The following GPC6 variants were observed in gnomAD, a reference collection of about 807,000 sequenced individuals.
GPC6 encodes the protein glypican 6.
A neutral mutation model predicts 55.2 loss-of-function variants in GPC6; 14 were observed. That is an observed-to-expected ratio of 0.25 (90% CI 0.17 to 0.40). GPC6 has a LOEUF of 0.40. GPC6 is among the 10% of genes least tolerant of loss of function. The pLI, the probability that GPC6 is intolerant of heterozygous loss-of-function variation, is 1.00. For missense variants in GPC6, 641 were observed against 708.5 expected (o/e 0.90, Z 1.08); for synonymous variants, 278 against 259.6 (o/e 1.07, Z -0.68).
chr13:93,259,328 G>A (rs1877058301), intron 1 of GPC6, among the ~76,000 whole-genome samples: 1 of 152,114 alleles, frequency 6.6e-6, no homozygotes, highest in Admixed American at 6.6e-5. Context: ...CTGTGGAAGT[G>A]GGTGAGTCCT....
At chr13:93,585,280 A>C (rs1485180958) in intron 2 of GPC6, among the ~76,000 whole-genome samples, 1 of 152,142 alleles carries the variant, frequency 6.6e-6, no homozygotes, top group Non-Finnish European at 1.5e-5. Flanking sequence ...AGGAAAGTTA[A>C]AGGTTTACAG....
intron 4 of GPC6, among the ~76,000 whole-genome samples, chr13:94,090,361 G>T (rs373513581): frequency 1.6e-4 from 25 of 152,184 alleles, no homozygotes; most frequent in East Asian, 1.4e-3. Flanking sequence ...TTTGGGTGGA[G>T]AGACAGCCAA....
intron 4 of GPC6, among the ~76,000 whole-genome samples, chr13:94,048,700 C>T (rs1031110300): frequency 6.6e-6 from 1 of 151,738 alleles, no homozygotes; most frequent in African/African-American, 2.4e-5. Context: ...TTGGTCTGGT[C>T]GCAGGAGGCA....
intron 1 of GPC6, among the ~76,000 whole-genome samples, chr13:93,450,351 A>G (rs1171762055): frequency 6.6e-6 from 1 of 152,158 alleles, no homozygotes; most frequent in African/African-American, 2.4e-5. Flanking sequence ...ATCTCATCAC[A>G]TGTTTTAATT....
intron 4 of GPC6, among the ~76,000 whole-genome samples, chr13:94,206,838 G>A (rs780964960): frequency 2.6e-5 from 4 of 152,104 alleles, no homozygotes; most frequent in Admixed American, 6.5e-5. Context: ...GGGTGACAGC[G>A]TGAGACCCTG....
intron 1 of GPC6, among the ~76,000 whole-genome samples, chr13:93,379,205 C>T (rs930644856): frequency 1.3e-5 from 2 of 152,108 alleles, no homozygotes; most frequent in African/African-American, 2.4e-5. Context: ...ATAGCCCAGA[C>T]TATATGTACA....
chr13:94,382,037 A>C (rs1880179355), intron 6 of GPC6, among the ~76,000 whole-genome samples: 1 of 152,196 alleles, frequency 6.6e-6, no homozygotes. Flanking sequence ...GTTTTGGTAC[A>C]GTTGTCTGAC....
At chr13:94,004,928 G>A (rs1362080822) in intron 3 of GPC6, among the ~76,000 whole-genome samples, 1 of 152,104 alleles carries the variant, frequency 6.6e-6, no homozygotes, top group Non-Finnish European at 1.5e-5. Flanking sequence ...TGGGCGTGGT[G>A]GTGGATGCCT....
rs965863470 is a variant in GPC6 at position 94,135,350 on chromosome 13, C to T, written c.877+107456C>T. Among the ~76,000 whole-genome samples, 10 of 151,754 alleles carry T rather than the reference C, an allele frequency of 6.6e-5. 1 individual carries two copies. Among genetic ancestry groups the T allele is most frequent in the Non-Finnish European group, 1.2e-4 (8 of 67,984 alleles). On this transcript the variant is annotated intron_variant, in intron 4 of 8. Coordinates refer to ENST00000377047, the MANE Select transcript of GPC6 (RefSeq NM_005708.5). ...AAATATGTGCATTTGAAAAAAAAGTCCCTGAAGGTAATCTTGTTACTTTAA... is the reference window on the plus strand; with the variant it reads ...AAATATGTGCATTTGAAAAAAAAGTTCCTGAAGGTAATCTTGTTACTTTAA...
chr13:94,044,463 C>T (rs373384007), intron 4 of GPC6, among the ~76,000 whole-genome samples: 20 of 151,786 alleles, frequency 1.3e-4, no homozygotes, highest in African/African-American at 4.6e-4. Flanking sequence ...GAAGTTATTC[C>T]AGATCAGTTC....
At chr13:93,956,754 G>A (rs1044424689) in intron 3 of GPC6, among the ~76,000 whole-genome samples, 1 of 152,156 alleles carries the variant, frequency 6.6e-6, no homozygotes, top group Non-Finnish European at 1.5e-5. Context: ...TTAAACAGAT[G>A]GCTAGGCACC....
At chr13:94,398,886 C>G (rs1881009238) in intron 8 of GPC6, among the ~76,000 whole-genome samples, 1 of 152,172 alleles carries the variant, frequency 6.6e-6, no homozygotes, top group Admixed American at 6.5e-5. Flanking sequence ...CATACCAAAG[C>G]TGAAATTGAG....
At chr13:94,372,264 C>A (rs1453550553) in intron 6 of GPC6, among the ~76,000 whole-genome samples, 1 of 152,150 alleles carries the variant, frequency 6.6e-6, no homozygotes, top group African/African-American at 2.4e-5. Flanking sequence ...GTGAGTGACG[C>A]AGAAGACGGG....
chr13:93,279,660 C>T (rs537292518), intron 1 of GPC6, among the ~76,000 whole-genome samples: 8 of 152,266 alleles, frequency 5.3e-5, no homozygotes, highest in African/African-American at 1.9e-4. Context: ...TAGGTTTATA[C>T]ATTTCATGGC....
intron 6 of GPC6, among the ~76,000 whole-genome samples, chr13:94,373,875 A>G (rs1594217415): frequency 1.3e-5 from 2 of 151,984 alleles, no homozygotes; most frequent in African/African-American, 4.8e-5. Flanking sequence ...CTCGGCAGAA[A>G]CCCTACAAGC....
intron 1 of GPC6, among the ~76,000 whole-genome samples, chr13:93,377,416 C>T (rs992961593): frequency 2.0e-5 from 3 of 152,192 alleles, no homozygotes; most frequent in African/African-American, 7.2e-5. Flanking sequence ...GCACAATCCC[C>T]TAGACTGGAC....
At chr13:93,296,249 T>C (rs2139087513) in intron 1 of GPC6, among the ~76,000 whole-genome samples, 1 of 152,334 alleles carries the variant, frequency 6.6e-6, no homozygotes, top group African/African-American at 2.4e-5. Context: ...TGTAGTCTAG[T>C]ATATTCTACC....
chr13:93,830,693 A>C (rs1419161179), intron 3 of GPC6, 148 bp downstream of exon 3: 2 of 701,930 alleles, frequency 2.8e-6, no homozygotes, highest in East Asian at 5.4e-5. Flanking sequence ...TAAATATCAA[A>C]GCATAATTCT....
rs151130342 is a variant in GPC6, at chr13:93,851,656, A to G, written c.711+21111A>G. Among the ~76,000 whole-genome samples, 122 of 151,978 alleles carry G rather than the reference A, an allele frequency of 8.0e-4. 1 individual carries two copies. The highest frequency in any genetic ancestry group is 2.9e-3 in the African/African-American group (120 of 41,528). On this transcript the variant is annotated intron_variant, in intron 3 of 8. Coordinates refer to ENST00000377047, the MANE Select transcript of GPC6 (RefSeq NM_005708.5). ...GCACTTTTGCTAGCTTGGAAGAATT[A>G]TGTTTAAAATTTAATTGTATAATGA...
Sources: allele counts gnomAD v4.1 joint callset (sites outside exome capture counted in the v4.1 genomes callset), GRCh38; gene constraint gnomAD v4.1.1; transcripts MANE v1.5; gene names NCBI Gene and HGNC (gene_info 2026-07-23, HGNC 2026-07-21).